SCHIP1: variants seen among roughly 807,000 people sequenced by gnomAD.
SCHIP1 encodes schwannomin-interacting protein 1.
In SCHIP1, 8 loss-of-function variants were observed where a neutral mutation model predicts 29.7. The observed-to-expected ratio is 0.27, with a 90% CI of 0.16 to 0.49. The LOEUF (loss-of-function observed/expected upper bound fraction) is 0.49. SCHIP1 is among the 20% of genes least tolerant of loss of function. SCHIP1 has a pLI of 0.99. For missense variants in SCHIP1, 193 were observed against 294.6 expected (o/e 0.66, Z 2.52); for synonymous variants, 76 against 94.9 (o/e 0.80, Z 1.16).
At chr3:159,293,809 C>T in the SCHIP1 span, among the ~76,000 whole-genome samples, 11 of 152,070 alleles carry the variant, frequency 7.2e-5, no homozygotes, top group East Asian at 1.4e-3. Flanking sequence ...AATTCTCTCT[C>T]GGAGGTGGAA....
chr3:159,887,468 G>A (rs1717073992), intron 3 of SCHIP1: 2 of 461,250 alleles, frequency 4.3e-6, no homozygotes, highest in Non-Finnish European at 7.8e-6. Context: ...ATATTTCAAG[G>A]TTGTTGTAAA....
chr3:159,287,862 T>A, the SCHIP1 span, among the ~76,000 whole-genome samples: 1 of 152,212 alleles, frequency 6.6e-6, no homozygotes, highest in Non-Finnish European at 1.5e-5. Flanking sequence ...TAAACAAATA[T>A]TTTTCAACTT....
the SCHIP1 span, chr3:159,273,881 A>AGT: frequency 6.2e-7 from 1 of 1,613,420 alleles, no homozygotes; most frequent in Non-Finnish European, 8.5e-7. Context: ...GCACTCTGAC[A>AGT]GTGTAAGTTT....
chr3:159,697,026 C>T, the SCHIP1 span, among the ~76,000 whole-genome samples: 541 of 152,158 alleles, frequency 3.6e-3, 1 homozygote, highest in African/African-American at 0.012. Flanking sequence ...GGCCATTGAA[C>T]GATTTTAAGG....
At chr3:159,453,557 AT>A in the SCHIP1 span, among the ~76,000 whole-genome samples, 34 of 152,146 alleles carry the variant, frequency 2.2e-4, no homozygotes, top group East Asian at 6.6e-3. Flanking sequence ...TTTAAGCCTC[AT>A]TTTTCTCAAA....
At chr3:159,358,550 C>T in the SCHIP1 span, among the ~76,000 whole-genome samples, 1 of 152,152 alleles carries the variant, frequency 6.6e-6, no homozygotes, top group Non-Finnish European at 1.5e-5. Flanking sequence ...GGTGGGAAAG[C>T]CAAGGCCTTA....
the SCHIP1 span, among the ~76,000 whole-genome samples, chr3:159,569,179 T>A: frequency 7.4e-4 from 112 of 152,226 alleles, 1 homozygote; most frequent in South Asian, 8.3e-4. Context: ...GGTTTTTTTT[T>A]AAATATACTT....
chr3:159,474,507 G>C, the SCHIP1 span, among the ~76,000 whole-genome samples: 1 of 152,044 alleles, frequency 6.6e-6, no homozygotes, highest in South Asian at 2.1e-4. Context: ...ATTTCAGAAA[G>C]CTTAATCCCC....
the SCHIP1 span, among the ~76,000 whole-genome samples, chr3:159,406,059 T>A: frequency 1.3e-5 from 2 of 151,744 alleles, no homozygotes; most frequent in Non-Finnish European, 2.9e-5. Context: ...GAAAGTTTAT[T>A]CAAAGGGATA....
chr3:159,345,761 A>G, the SCHIP1 span, among the ~76,000 whole-genome samples: 1 of 152,150 alleles, frequency 6.6e-6, no homozygotes, highest in East Asian at 1.9e-4. Flanking sequence ...CTCAGACAGG[A>G]GTGCAGACAG....
the SCHIP1 span, among the ~76,000 whole-genome samples, chr3:159,785,122 G>A: frequency 2.1e-4 from 32 of 152,324 alleles, 1 homozygote; most frequent in South Asian, 6.4e-3. Context: ...CTGAACCAGA[G>A]CTAGAGGTTA....
the SCHIP1 span, among the ~76,000 whole-genome samples, chr3:159,621,729 G>A: frequency 1.3e-5 from 2 of 151,774 alleles, no homozygotes; most frequent in South Asian, 2.1e-4. Flanking sequence ...ACAATGGTAT[G>A]ATCTCGTCCC....
At chr3:159,558,881 A>C in the SCHIP1 span, among the ~76,000 whole-genome samples, 1 of 152,032 alleles carries the variant, frequency 6.6e-6, no homozygotes, top group East Asian at 1.9e-4. Context: ...TTTCCTTATG[A>C]CTCTGTATTA....
the SCHIP1 span, among the ~76,000 whole-genome samples, chr3:159,664,701 T>C: frequency 1.3e-5 from 2 of 152,162 alleles, no homozygotes; most frequent in Admixed American, 6.5e-5. Context: ...GAGAGCACCA[T>C]GTATTTATAA....
the SCHIP1 span, among the ~76,000 whole-genome samples, chr3:159,799,048 A>G: frequency 9.2e-5 from 14 of 152,296 alleles, no homozygotes; most frequent in Non-Finnish European, 1.9e-4. Flanking sequence ...TGGGTAATGA[A>G]GAGGGAGAGG....
At chr3:159,633,248 A>G in the SCHIP1 span, among the ~76,000 whole-genome samples, 17 of 152,366 alleles carry the variant, frequency 1.1e-4, no homozygotes, top group Non-Finnish European at 1.0e-4. Flanking sequence ...CTATATACAT[A>G]TAATAAACCT....
chr3:159,416,501 C>T, the SCHIP1 span, among the ~76,000 whole-genome samples: 2 of 152,196 alleles, frequency 1.3e-5, no homozygotes, highest in South Asian at 2.1e-4. Flanking sequence ...CTTTTAAATT[C>T]TTGCTGACTA....
chr3:159,613,292 C>T, the SCHIP1 span, among the ~76,000 whole-genome samples: 1 of 152,010 alleles, frequency 6.6e-6, no homozygotes, highest in East Asian at 1.9e-4. Context: ...TTTTTTATGT[C>T]TTATGTTACT....
At chr3:159,694,747 A>G in the SCHIP1 span, among the ~76,000 whole-genome samples, 1 of 152,152 alleles carries the variant, frequency 6.6e-6, no homozygotes, top group Non-Finnish European at 1.5e-5. Context: ...AATTCCAGAA[A>G]CTGGGCTAAT....
Sources: gnomAD v4.1 joint callset for allele counts (sites outside exome capture counted in the v4.1 genomes callset) on GRCh38, gnomAD v4.1.1 for gene constraint, MANE v1.5 for transcripts, NCBI Gene and HGNC (gene_info 2026-07-23, HGNC 2026-07-21) for gene names.